Variants in TRIM13 observed in about 807,000 individuals in gnomAD.
TRIM13 encodes tripartite motif containing 13, also known as E3 ubiquitin-protein ligase TRIM13.
TRIM13 carries 15 observed loss-of-function variants against 27.1 expected under a neutral mutation model. The ratio of observed to expected loss-of-function variants is 0.55; its 90% confidence interval spans 0.37 to 0.85. The LOEUF is 0.85. Ranked by LOEUF, TRIM13 falls within the 40% of genes least tolerant of loss-of-function variation. TRIM13 has a pLI of 0.00. For synonymous variants in TRIM13, 193 were observed against 171.5 expected (o/e 1.13, Z -0.98); for missense variants, 402 against 472.2 (o/e 0.85, Z 1.38).
In TRIM13 at chr13:50,015,991, G is replaced by T. The variant is rs1378519974; in HGVS notation, c.*2827G>T. ...CTCCTCAGATGACCTTACTTCCACT[G>T]CCTCCACAAAGACCTTCTTACCATG... is the stretch of plus-strand genomic sequence containing the variant. On this transcript the variant is annotated 3_prime_UTR_variant, in exon 2 of 2. Transcript: ENST00000378182. 1 of 1,614,070 alleles carries T rather than the reference G, an allele frequency of 6.2e-7. No homozygotes were observed. Among genetic ancestry groups the T allele is most frequent in the East Asian group, 2.2e-5 (1 of 44,876 alleles).
At chr13:50,001,680 ATATAT>A (rs1874062507) in intron 1 of TRIM13, among the ~76,000 whole-genome samples, 1 of 152,186 alleles carries the variant, frequency 6.6e-6, no homozygotes, top group African/African-American at 2.4e-5. Flanking sequence ...ACTATATGTA[ATATAT>A]TAATTTTCAT....
Position 50,015,990 on chromosome 13 carries a change from T to C in TRIM13, c.*2826T>C. The C allele has an allele frequency of 6.2e-7, 1 of 1,614,108 alleles. No homozygotes were observed. The highest frequency in any genetic ancestry group is 8.5e-7 in the Non-Finnish European group (1 of 1,179,954). ...CCTCCTCAGATGACCTTACTTCCAC[T>C]GCCTCCACAAAGACCTTCTTACCAT... On this transcript the variant is annotated 3_prime_UTR_variant, in exon 2 of 2. Transcript: ENST00000378182.
At position 50,012,319 on chromosome 13, in the gene TRIM13, G is replaced by A. The variant is rs573563617; in HGVS notation, c.379G>A (p.Val127Ile). Residue 127 changes from valine to isoleucine, a missense_variant, in exon 2 of 2, where the codon GTC becomes ATC. Around this residue, in one of 2 missense-constraint regions of TRIM13, gnomAD observed 202 missense variants for 277.5 expected, o/e 0.73. Coordinates refer to ENST00000378182, the MANE Select transcript of TRIM13 (RefSeq NM_213590.3). Reference sequence around the variant, plus strand: ...TACTCGTGGGGAGCACACCAAACATGTCTTCTGTTCTATTGAAGATGCCTA... The same window carrying A: ...TACTCGTGGGGAGCACACCAAACATATCTTCTGTTCTATTGAAGATGCCTA... ...CATRGEHTKH[V>I]FCSIEDAYAQ... 1 of 1,614,162 alleles carries A rather than the reference G, an allele frequency of 6.2e-7. No individual in the cohort carries two copies. Among genetic ancestry groups the A allele is most frequent in the East Asian group, 2.2e-5 (1 of 44,888 alleles).
At position 50,013,184 on chromosome 13, in the gene TRIM13, G is replaced by T; in HGVS notation, c.*20G>T. 1 of 1,511,372 alleles carries T rather than the reference G, an allele frequency of 6.6e-7. No individual in the cohort carries two copies. 93.6% of individuals were successfully genotyped at this position (1,511,372 alleles called of 1,614,324 possible). Reference sequence around the variant, plus strand: ...TTATAAAATCTGTTTCAAGTATGCAGTTTTCTTTTGTTAGAAATTGTTAGA... The same window carrying T: ...TTATAAAATCTGTTTCAAGTATGCATTTTTCTTTTGTTAGAAATTGTTAGA... On this transcript the variant is annotated 3_prime_UTR_variant, in exon 2 of 2. Transcript: ENST00000378182.
chr13:49,997,894 G>A (rs1873435887), intron 1 of TRIM13, 131 bp downstream of exon 1: 1 of 151,784 alleles, frequency 6.6e-6, no homozygotes, highest in Admixed American at 6.6e-5. Flanking sequence ...GGTGGTCTTT[G>A]TTCTTTGCAT....
In TRIM13 at chr13:50,015,030, G is replaced by C. The variant is rs1876194501; in HGVS notation, c.*1866G>C. On this transcript the variant is annotated 3_prime_UTR_variant, in exon 2 of 2. Coordinates refer to ENST00000378182, the MANE Select transcript of TRIM13 (RefSeq NM_213590.3). ...AAACGTTTAAGTCTAGCCTCTGCGT[G>C]GTAGACAGGTATGGGGAGGGAGAAT... 1 of 156,126 alleles carries C rather than the reference G, an allele frequency of 6.4e-6. No individual in the cohort carries two copies. The highest frequency in any genetic ancestry group is 2.7e-5 in the African/African-American group (1 of 37,380). The allele number at this position is 156,126 out of a possible 1,614,324, so 9.7% of individuals were successfully genotyped here. A position where few individuals can be genotyped will look rare whatever the true frequency, so the allele number is the denominator to read the frequency against.
chr13:50,015,904 A>T lies in TRIM13; in HGVS notation c.*2740A>T, dbSNP rs2138444798. 1 of 1,614,118 alleles carries T rather than the reference A, an allele frequency of 6.2e-7. No homozygotes were observed. Among genetic ancestry groups the T allele is most frequent in the Non-Finnish European group, 8.5e-7 (1 of 1,180,004 alleles). On this transcript the variant is annotated 3_prime_UTR_variant, in exon 2 of 2. Transcript: ENST00000378182. ...GCAGCAAAACAATTGAGATGCTAACAGGGAGGATTACAGTGTTTACAGAAC... is the reference window on the plus strand; with the variant it reads ...GCAGCAAAACAATTGAGATGCTAACTGGGAGGATTACAGTGTTTACAGAAC...
chr13:50,012,691 CAGATGCAGG>C lies in TRIM13; in HGVS notation c.754_762del (p.Met252_Glu254del). The C allele has an allele frequency of 6.2e-7, 1 of 1,614,122 alleles. No individual in the cohort carries two copies. The highest frequency in any genetic ancestry group is 2.2e-5 in the East Asian group (1 of 44,876). Reference sequence around the variant, plus strand: ...GTCAGAACCCATTGTATTTCTGCAACAGATGCAGGAGTTTAGAGAGAAAATCAAAGTAAT... The same window carrying C: ...GTCAGAACCCATTGTATTTCTGCAACAGTTTAGAGAGAAAATCAAAGTAAT... On this transcript the variant is annotated inframe_deletion, in exon 2 of 2. Transcript: ENST00000378182.
rs1252581609 is a variant in TRIM13 at position 50,016,045 on chromosome 13, C to T, written c.*2881C>T. 1 of 1,613,930 alleles carries T rather than the reference C, an allele frequency of 6.2e-7. No individual in the cohort carries two copies. Among genetic ancestry groups the T allele is most frequent in the African/African-American group, 1.3e-5 (1 of 75,036 alleles). ...TGGTTTTCCAGTGTGGTTCTGACAGCACTACTGATAACCAAACTGGAGTCA... is the reference window on the plus strand; with the variant it reads ...TGGTTTTCCAGTGTGGTTCTGACAGTACTACTGATAACCAAACTGGAGTCA... On this transcript the variant is annotated 3_prime_UTR_variant, in exon 2 of 2. Transcript: ENST00000378182.
chr13:50,010,702 CA>C (rs1875521906), intron 1 of TRIM13, among the ~76,000 whole-genome samples: 1 of 152,062 alleles, frequency 6.6e-6, no homozygotes, highest in Non-Finnish European at 1.5e-5. Flanking sequence ...ACATAAAACC[CA>C]GCCTTTTCAT....
intron 1 of TRIM13, among the ~76,000 whole-genome samples, chr13:50,008,042 CT>C (rs1270903781): frequency 6.6e-6 from 1 of 151,654 alleles, no homozygotes; most frequent in Non-Finnish European, 1.5e-5. Flanking sequence ...GTAGCTGGAA[CT>C]ACAGGTGCCT....
rs1372661702 is a variant in TRIM13 at position 49,997,135 on chromosome 13, G to T, written c.-635G>T. The T allele has an allele frequency of 2.0e-5, 3 of 151,812 alleles. No individual in the cohort carries two copies. The East Asian group carries it at 5.9e-4, about 30-fold the overall frequency. 9.4% of individuals were successfully genotyped at this position (151,812 alleles called of 1,614,324 possible). On this transcript the variant is annotated 5_prime_UTR_variant, in exon 1 of 2. Coordinates refer to ENST00000378182, the MANE Select transcript of TRIM13 (RefSeq NM_213590.3). ...CGGCCTTTCCCACTAGCCGGAGGTC[G>T]GAGATAAGTACCCGCCGCCCGGCTC...
intron 1 of TRIM13, among the ~76,000 whole-genome samples, chr13:50,005,944 C>T (rs2066546): frequency 0.17 from 26,287 of 151,144 alleles, 2,606 homozygotes; most frequent in African/African-American, 0.26. Context: ...CTCGAACTCC[C>T]GACCTCATCT....
rs1353537577 is a variant in TRIM13, at chr13:50,015,092, AAAATATATATATATATATATAT to A, written c.*1930_*1951del. On this transcript the variant is annotated 3_prime_UTR_variant, in exon 2 of 2. Coordinates refer to ENST00000378182, the MANE Select transcript of TRIM13 (RefSeq NM_213590.3). ...CCCAGTAATAAAAAAAAAAAAAAAA[AAAATATATATATATATATATAT>A]ATATATATATATATATATATATATA... 315 of 23,418 alleles carry A rather than the reference AAAATATATATATATATATATAT, an allele frequency of 0.013. 20 individuals carry two copies. Among genetic ancestry groups the A allele is most frequent in the African/African-American group, 0.018 (108 of 5,954 alleles). 1.5% of individuals were successfully genotyped at this position (23,418 alleles called of 1,614,324 possible). A position where few individuals can be genotyped will look rare whatever the true frequency, so the allele number is the denominator to read the frequency against.
rs768138543 is a variant in TRIM13 at position 50,015,919 on chromosome 13, G to A, written c.*2755G>A. On this transcript the variant is annotated 3_prime_UTR_variant, in exon 2 of 2. Coordinates refer to ENST00000378182, the MANE Select transcript of TRIM13 (RefSeq NM_213590.3). ...AGATGCTAACAGGGAGGATTACAGT[G>A]TTTACAGAACAACCTTCAGCGCCGA... The A allele has an allele frequency of 6.2e-7, 1 of 1,614,058 alleles. No homozygotes were observed. Among genetic ancestry groups the A allele is most frequent in the South Asian group, 1.1e-5 (1 of 91,080 alleles).
rs941815072 is a variant in TRIM13 at position 50,013,934 on chromosome 13, CAACTA to C, written c.*773_*777del. 3.0e-5 allele frequency: 5 copies of C among 166,386 alleles called. No individual in the cohort carries two copies. The highest frequency in any genetic ancestry group is 2.0e-4 in the Admixed American group (3 of 15,198). The allele number at this position is 166,386 out of a possible 1,614,324, so 10.3% of individuals were successfully genotyped here. On this transcript the variant is annotated 3_prime_UTR_variant, in exon 2 of 2. Coordinates refer to ENST00000378182, the MANE Select transcript of TRIM13 (RefSeq NM_213590.3). ...CACACACACACGCGTGTGTGGGAGA[CAACTA>C]AAGGTATTGAAGGTACTAATTAATT...
chr13:50,005,372 G>C (rs1257083433), intron 1 of TRIM13, among the ~76,000 whole-genome samples: 1 of 151,920 alleles, frequency 6.6e-6, no homozygotes, highest in African/African-American at 2.4e-5. Context: ...AGAAAGTTTT[G>C]ATTATAAAGA....
rs966153994 is a variant in TRIM13 at position 50,017,050 on chromosome 13, C to T, written c.*3886C>T. The T allele has an allele frequency of 6.0e-6, 1 of 166,942 alleles. No individual in the cohort carries two copies. Among genetic ancestry groups the T allele is most frequent in the Non-Finnish European group, 1.5e-5 (1 of 68,096 alleles). 10.3% of individuals were successfully genotyped at this position (166,942 alleles called of 1,614,324 possible). On this transcript the variant is annotated 3_prime_UTR_variant, in exon 2 of 2. Transcript: ENST00000378182. ...ATTCTTAATTGTTTACATTTTATAA[C>T]TTCCTGTCCTTCAAAAGAGTTTGAA... is the stretch of plus-strand genomic sequence containing the variant.
At chr13:50,006,422 G>C (rs1222722139) in intron 1 of TRIM13, among the ~76,000 whole-genome samples, 1 of 152,048 alleles carries the variant, frequency 6.6e-6, no homozygotes, top group Non-Finnish European at 1.5e-5. Context: ...AATATGCTTG[G>C]ATAGTATTCT....
Sources: gnomAD v4.1 joint callset for allele counts (sites outside exome capture counted in the v4.1 genomes callset) on GRCh38, gnomAD v4.1.1 for gene constraint, gnomAD v4.1.1 regional missense constraint, MANE v1.5 for transcripts, NCBI Gene and HGNC (gene_info 2026-07-23, HGNC 2026-07-21) for gene names.